The following NPLOC4 variants were observed in gnomAD, a reference collection of about 807,000 sequenced individuals.
NPLOC4 encodes the protein nuclear protein localization protein 4 homolog.
A neutral mutation model predicts 80.6 loss-of-function variants in NPLOC4; 18 were observed. That is an observed-to-expected ratio of 0.22 (90% confidence interval 0.15 to 0.33). NPLOC4 has a LOEUF of 0.33. Ranked by LOEUF, NPLOC4 falls within the 10% of genes least tolerant of loss-of-function variation. The pLI is 1.00. For missense variants in NPLOC4, 540 were observed against 786.1 expected (o/e 0.69, Z 3.74); for synonymous variants, 313 against 301.5 (o/e 1.04, Z -0.39).
At chr17:81,578,237 G>A (rs1258041388) in intron 12 of NPLOC4, among the ~76,000 whole-genome samples, 4 of 152,160 alleles carry the variant, frequency 2.6e-5, no homozygotes, top group Non-Finnish European at 5.9e-5. Context: ...TGGCCCCGCC[G>A]GGTGCATGCT....
At chr17:81,612,770 G>C (rs1274967478) in intron 4 of NPLOC4, 1 of 152,332 alleles carries the variant, frequency 6.6e-6, no homozygotes, top group Non-Finnish European at 1.5e-5. Context: ...TATAGCCCCA[G>C]GTGAGGAGGG....
chr17:81,582,770 C>T (rs901039100), intron 12 of NPLOC4, among the ~76,000 whole-genome samples: 1 of 152,232 alleles, frequency 6.6e-6, no homozygotes, highest in Non-Finnish European at 1.5e-5. Flanking sequence ...CAACAGTCTA[C>T]GAGTGTGAGT....
intron 4 of NPLOC4, 108 bp from the exon 5 acceptor site, chr17:81,610,366 G>T: frequency 1.1e-6 from 1 of 934,974 alleles, no homozygotes; most frequent in Non-Finnish European, 1.7e-6. Flanking sequence ...CCCTGCCCAC[G>T]TGGAGTTATA....
intron 11 of NPLOC4, among the ~76,000 whole-genome samples, chr17:81,590,533 G>GT (rs1344319623): frequency 1.3e-5 from 2 of 152,088 alleles, no homozygotes; most frequent in African/African-American, 2.4e-5. Flanking sequence ...TGTTTTAGAA[G>GT]TAAGGTCTTA....
At position 81,610,208 on chromosome 17, in the gene NPLOC4, A is replaced by G; in HGVS notation, c.435+2T>C. The G allele has an allele frequency of 6.4e-7, 1 of 1,570,916 alleles. No homozygotes were observed. Among genetic ancestry groups the G allele is most frequent in the Non-Finnish European group, 8.6e-7 (1 of 1,158,610 alleles). On this transcript the variant is annotated splice_donor_variant, in intron 5 of 16. Coordinates refer to ENST00000331134, the MANE Select transcript of NPLOC4 (RefSeq NM_017921.4). LOFTEE classifies it high-confidence loss of function. ...CAGAACTTACTCCGCAGAGACTCTCACCTCTAGAGGGACGCAGTGCACGCA... is the reference window on the plus strand; with the variant it reads ...CAGAACTTACTCCGCAGAGACTCTCGCCTCTAGAGGGACGCAGTGCACGCA...
At chr17:81,561,504 G>T (rs2033848388) in intron 16 of NPLOC4, among the ~76,000 whole-genome samples, 2 of 152,148 alleles carry the variant, frequency 1.3e-5, no homozygotes, top group Admixed American at 1.3e-4. Context: ...GTTTTTCTGT[G>T]TTCTACCCCA....
intron 13 of NPLOC4, among the ~76,000 whole-genome samples, chr17:81,569,361 G>A (rs568708226): frequency 6.6e-5 from 10 of 152,214 alleles, no homozygotes; most frequent in Admixed American, 2.6e-4. Context: ...CACCGGCCTC[G>A]ACGTCGGACA....
At chr17:81,588,765 G>C (rs1026097327) in intron 12 of NPLOC4, among the ~76,000 whole-genome samples, 179 bp downstream of exon 12, 4 of 152,214 alleles carry the variant, frequency 2.6e-5, no homozygotes, top group African/African-American at 9.6e-5. Flanking sequence ...CTACGCCATG[G>C]AAGCATGAGT....
At chr17:81,599,829 A>G (rs1374528048) in intron 9 of NPLOC4, among the ~76,000 whole-genome samples, 2 of 152,230 alleles carry the variant, frequency 1.3e-5, no homozygotes, top group Non-Finnish European at 2.9e-5. Flanking sequence ...AGGCTCAGAG[A>G]GCTAAATTAT....
intron 12 of NPLOC4, among the ~76,000 whole-genome samples, chr17:81,575,271 T>C (rs999409859): frequency 2.0e-5 from 3 of 152,120 alleles, no homozygotes; most frequent in African/African-American, 7.2e-5. Flanking sequence ...GGCTAATTTT[T>C]TTCTATTTTT....
intron 7 of NPLOC4, among the ~76,000 whole-genome samples, chr17:81,605,420 C>T (rs1039261102): frequency 3.3e-5 from 5 of 151,522 alleles, no homozygotes; most frequent in Non-Finnish European, 7.4e-5. Flanking sequence ...GTGAGGCAGG[C>T]GGATCTCTTG....
intron 2 of NPLOC4, among the ~76,000 whole-genome samples, chr17:81,624,391 C>T (rs1300363431): frequency 6.6e-6 from 1 of 152,130 alleles, no homozygotes; most frequent in Non-Finnish European, 1.5e-5. Flanking sequence ...GCACTCCAGC[C>T]TGGGCGACAA....
At chr17:81,583,761 C>T (rs192921690) in intron 12 of NPLOC4, among the ~76,000 whole-genome samples, 1 of 152,340 alleles carries the variant, frequency 6.6e-6, no homozygotes, top group Non-Finnish European at 1.5e-5. Context: ...CAGGGCAAAG[C>T]TGTAGACTCT....
chr17:81,582,413 C>T (rs2144109148), intron 12 of NPLOC4, among the ~76,000 whole-genome samples: 1 of 152,266 alleles, frequency 6.6e-6, no homozygotes, highest in Non-Finnish European at 1.5e-5. Flanking sequence ...TGTATGTCTG[C>T]ATGTTTTTGG....
At chr17:81,631,389 CGT>C (rs1258497112) in intron 1 of NPLOC4, among the ~76,000 whole-genome samples, 12 of 140,114 alleles carry the variant, frequency 8.6e-5, no homozygotes, top group Non-Finnish European at 1.4e-4. Context: ...AATTTAATAA[CGT>C]GTGTGTGCAT....
At chr17:81,575,036 A>G (rs2034259641) in intron 12 of NPLOC4, among the ~76,000 whole-genome samples, 1 of 152,224 alleles carries the variant, frequency 6.6e-6, no homozygotes, top group Admixed American at 6.5e-5. Flanking sequence ...AAGGGGCACA[A>G]ATGACACCAG....
chr17:81,601,962 T>C (rs1406877370), intron 8 of NPLOC4, among the ~76,000 whole-genome samples: 1 of 152,124 alleles, frequency 6.6e-6, no homozygotes, highest in Non-Finnish European at 1.5e-5. Flanking sequence ...GCAGGTTATC[T>C]AAATAGGAGG....
chr17:81,636,326 T>C (rs2036071329), intron 1 of NPLOC4: 1 of 152,214 alleles, frequency 6.6e-6, no homozygotes, highest in African/African-American at 2.4e-5. Flanking sequence ...ACATTCCTTT[T>C]AAAGAGGAAT....
intron 12 of NPLOC4, among the ~76,000 whole-genome samples, chr17:81,586,042 T>C (rs980142435): frequency 1.3e-5 from 2 of 152,128 alleles, no homozygotes; most frequent in Non-Finnish European, 2.9e-5. Flanking sequence ...CCCAGCACTC[T>C]GTGAGGCTGA....
Sources: gnomAD v4.1 joint callset for allele counts (sites outside exome capture counted in the v4.1 genomes callset) on GRCh38, gnomAD v4.1.1 for gene constraint, MANE v1.5 for transcripts, NCBI Gene and HGNC (gene_info 2026-07-23, HGNC 2026-07-21) for gene names.